NUP98: variants seen among roughly 807,000 people sequenced by gnomAD.
NUP98 encodes nucleoporin 98 and 96 precursor, also known as nuclear pore complex protein Nup98-Nup96.
A neutral mutation model predicts 191.9 loss-of-function variants in NUP98; 26 were observed. The observed-to-expected ratio is 0.14, with a 90% confidence interval of 0.10 to 0.19. The LOEUF (loss-of-function observed/expected upper bound fraction) is 0.19, where lower values mean the gene tolerates loss of function less well. NUP98 is among the 10% of genes least tolerant of loss of function. The pLI, the probability that NUP98 is intolerant of heterozygous loss-of-function variation, is 1.00. For synonymous variants in NUP98, 808 were observed against 778.4 expected (o/e 1.04, Z -0.63); for missense variants, 1,941 against 2,178.8 (o/e 0.89, Z 2.17).
intron 1 of NUP98, among the ~76,000 whole-genome samples, chr11:3,790,954 GA>G (rs1225954611): frequency 6.7e-6 from 1 of 150,160 alleles, no homozygotes; most frequent in African/African-American, 2.5e-5. Context: ...GGAGTGAAGT[GA>G]CGCAATCTCG....
At chr11:3,694,088 A>C (rs2078416436) in intron 26 of NUP98, among the ~76,000 whole-genome samples, 1 of 149,174 alleles carries the variant, frequency 6.7e-6, no homozygotes, top group Non-Finnish European at 1.5e-5. Context: ...AAAAAAAAAA[A>C]AGGCCGGGTG....
intron 6 of NUP98, among the ~76,000 whole-genome samples, chr11:3,772,902 T>G (rs2081578472): frequency 6.6e-6 from 1 of 150,980 alleles, no homozygotes; most frequent in African/African-American, 2.4e-5. Context: ...TGCTTGAACC[T>G]AGGAGGTGGA....
intron 11 of NUP98, among the ~76,000 whole-genome samples, chr11:3,749,062 A>G (rs1333251942): frequency 6.6e-6 from 1 of 151,468 alleles, no homozygotes; most frequent in East Asian, 1.9e-4. Flanking sequence ...TAATCCCAGC[A>G]CTTTGGGAGG....
intron 23 of NUP98, among the ~76,000 whole-genome samples, chr11:3,701,234 A>G (rs950371765): frequency 4.0e-5 from 6 of 151,498 alleles, no homozygotes; most frequent in Non-Finnish European, 8.8e-5. Context: ...ATGAGCATAT[A>G]GCTAAGCTAG....
chr11:3,793,491 T>C (rs1162317948), intron 1 of NUP98, among the ~76,000 whole-genome samples: 1 of 151,938 alleles, frequency 6.6e-6, no homozygotes, highest in African/African-American at 2.4e-5. Context: ...TTTCACCATA[T>C]TAGCCAGGAT....
intron 31 of NUP98, among the ~76,000 whole-genome samples, chr11:3,679,122 CAAAA>C (rs36063275): frequency 4.4e-4 from 43 of 97,308 alleles, no homozygotes; most frequent in South Asian, 7.3e-4. Context: ...GACTCTGTTC[CAAAA>C]AAAAAAAAAA....
chr11:3,705,487 G>C, intron 21 of NUP98, 131 bp from the exon 22 acceptor site: 1 of 782,592 alleles, frequency 1.3e-6, no homozygotes, highest in Non-Finnish European at 2.1e-6. Flanking sequence ...GTATATTTGT[G>C]TGATGGATGG....
chr11:3,707,453 A>G (rs1203769926), intron 20 of NUP98, among the ~76,000 whole-genome samples: 1 of 151,790 alleles, frequency 6.6e-6, no homozygotes, highest in East Asian at 1.9e-4. Flanking sequence ...TTTTCAAACC[A>G]AAAAAAATTC....
At chr11:3,769,620 A>G (rs978105759) in intron 7 of NUP98, among the ~76,000 whole-genome samples, 1 of 151,230 alleles carries the variant, frequency 6.6e-6, no homozygotes, top group Admixed American at 6.6e-5. Flanking sequence ...AAATCATGGA[A>G]TATCAAGATT....
At chr11:3,788,308 A>G (rs1426040367) in intron 1 of NUP98, among the ~76,000 whole-genome samples, 1 of 152,190 alleles carries the variant, frequency 6.6e-6, no homozygotes, top group African/African-American at 2.4e-5. Context: ...ATCTGTATTT[A>G]AAACTGTCAC....
intron 12 of NUP98, among the ~76,000 whole-genome samples, chr11:3,742,779 A>C (rs953804575): frequency 6.6e-6 from 1 of 152,008 alleles, no homozygotes; most frequent in African/African-American, 2.4e-5. Flanking sequence ...TCCTCATCTG[A>C]CAAAGAAGAC....
At position 3,744,668 on chromosome 11, in the gene NUP98, A is replaced by G; in HGVS notation, c.1268-19T>C. 6.3e-7 allele frequency: 1 copy of G among 1,588,112 alleles called. No individual in the cohort carries two copies. Among genetic ancestry groups the G allele is most frequent in the Non-Finnish European group, 8.5e-7 (1 of 1,170,446 alleles). On this transcript the variant is annotated intron_variant, in intron 11 of 32. Coordinates refer to ENST00000324932, the MANE Select transcript of NUP98 (RefSeq NM_016320.5). ...CCAAGAGCTACGGAGACAAGAGGAA[A>G]GAAAAAAGCACCACAGAAGATCCTT...
chr11:3,783,574 C>A (rs539744441), intron 1 of NUP98, among the ~76,000 whole-genome samples: 3 of 152,256 alleles, frequency 2.0e-5, no homozygotes, highest in African/African-American at 7.2e-5. Flanking sequence ...TGGTGCATGC[C>A]TGTAATCTCA....
intron 20 of NUP98, among the ~76,000 whole-genome samples, chr11:3,707,236 T>C (rs917447944): frequency 6.6e-6 from 1 of 152,180 alleles, no homozygotes; most frequent in African/African-American, 2.4e-5. Flanking sequence ...ACAATTTTAA[T>C]CTGGGAAGAA....
At chr11:3,767,399 C>T (rs1242506627) in intron 8 of NUP98, among the ~76,000 whole-genome samples, 1 of 151,890 alleles carries the variant, frequency 6.6e-6, no homozygotes, top group African/African-American at 2.4e-5. Context: ...GCAATCTCAG[C>T]TCACTGCAAC....
chr11:3,773,803 A>G, intron 5 of NUP98, 64 bp from the exon 6 acceptor site: 1 of 956,984 alleles, frequency 1.0e-6, no homozygotes. Flanking sequence ...TCTCAGATAC[A>G]ATTTCTCAAC....
intron 1 of NUP98, among the ~76,000 whole-genome samples, chr11:3,793,054 T>C (rs1325172873): frequency 1.3e-5 from 2 of 151,902 alleles, no homozygotes; most frequent in Non-Finnish European, 2.9e-5. Flanking sequence ...GAGGTTGGAG[T>C]ACGCTGAGAT....
chr11:3,743,011 TCTTTTA>T (rs1453930626), intron 12 of NUP98, among the ~76,000 whole-genome samples: 1 of 152,012 alleles, frequency 6.6e-6, no homozygotes, highest in Non-Finnish European at 1.5e-5. Context: ...AATTTTCTTT[TCTTTTA>T]CTTTTTTCTT....
chr11:3,785,826 A>G (rs957552287), intron 1 of NUP98, among the ~76,000 whole-genome samples: 12 of 152,054 alleles, frequency 7.9e-5, no homozygotes, highest in African/African-American at 2.9e-4. Context: ...TTCCATTTGG[A>G]TTTTACTCCA....
Sources: gnomAD v4.1 joint callset for allele counts (sites outside exome capture counted in the v4.1 genomes callset) on GRCh38, gnomAD v4.1.1 for gene constraint, MANE v1.5 for transcripts, NCBI Gene and HGNC (gene_info 2026-07-23, HGNC 2026-07-21) for gene names.